MDGA2: variants seen among roughly 807,000 people sequenced by gnomAD.
The protein encoded by MDGA2 is MAM domain-containing glycosylphosphatidylinositol anchor protein 2.
Under a neutral mutation model 117.8 loss-of-function variants are expected in MDGA2, and 40 were observed. That is an observed-to-expected ratio of 0.34 (90% confidence interval 0.26 to 0.44). The LOEUF (loss-of-function observed/expected upper bound fraction) is 0.44. Among genes scored for constraint, MDGA2 ranks in the 20% least tolerant of loss-of-function variants. The pLI, the probability that MDGA2 is intolerant of heterozygous loss-of-function variation, is 1.00. For missense variants in MDGA2, 1,123 were observed against 1,250.6 expected (o/e 0.90, Z 1.54); for synonymous variants, 452 against 439.0 (o/e 1.03, Z -0.37).
intron 1 of MDGA2, among the ~76,000 whole-genome samples, chr14:47,329,616 T>C (rs961601483): frequency 1.3e-5 from 2 of 152,074 alleles, no homozygotes; most frequent in Non-Finnish European, 2.9e-5. Context: ...ATTCTTTTTT[T>C]CTTTATCTTC....
At chr14:47,542,832 C>A (rs1895379921) in intron 1 of MDGA2, among the ~76,000 whole-genome samples, 1 of 152,112 alleles carries the variant, frequency 6.6e-6, no homozygotes. Context: ...GCAATAATTG[C>A]TTCTTATATT....
intron 8 of MDGA2, among the ~76,000 whole-genome samples, chr14:46,995,551 A>G (rs1488332313): frequency 6.6e-6 from 1 of 152,058 alleles, no homozygotes; most frequent in Non-Finnish European, 1.5e-5. Flanking sequence ...TTTCATAACC[A>G]TTGCTTTTTT....
chr14:46,984,344 G>A (rs1886789965), intron 8 of MDGA2, among the ~76,000 whole-genome samples: 1 of 151,856 alleles, frequency 6.6e-6, no homozygotes, highest in African/African-American at 2.4e-5. Flanking sequence ...TTACTTGTGT[G>A]TGGGCAGAAA....
intron 3 of MDGA2, among the ~76,000 whole-genome samples, chr14:47,214,830 T>C (rs1886025717): frequency 6.6e-6 from 1 of 152,108 alleles, no homozygotes; most frequent in South Asian, 2.1e-4. Flanking sequence ...TTCACTATTA[T>C]AAAAGCTCTC....
At chr14:46,871,660 G>A (rs1196173360) in intron 14 of MDGA2, 1 of 155,576 alleles carries the variant, frequency 6.4e-6, no homozygotes, top group East Asian at 1.9e-4. Flanking sequence ...TCTGGTTGAA[G>A]ATACTATGTA....
At chr14:47,202,369 T>C (rs1885539238) in intron 3 of MDGA2, among the ~76,000 whole-genome samples, 1 of 152,226 alleles carries the variant, frequency 6.6e-6, no homozygotes, top group Non-Finnish European at 1.5e-5. Flanking sequence ...GATTAACTCA[T>C]TAACACATTT....
intron 2 of MDGA2, among the ~76,000 whole-genome samples, chr14:47,267,279 G>GA (rs36118626): frequency 5.3e-5 from 8 of 151,122 alleles, no homozygotes; most frequent in Non-Finnish European, 3.0e-5. Flanking sequence ...TATTCTAAGT[G>GA]AAAAAAAACA....
chr14:47,076,591 ACC>A, intron 6 of MDGA2, among the ~76,000 whole-genome samples: 1 of 144,804 alleles, frequency 6.9e-6, no homozygotes. Context: ...TGTGTGTATT[ACC>A]CAACCAATAA....
chr14:47,187,646 T>C (rs1308968625), intron 3 of MDGA2, among the ~76,000 whole-genome samples: 1 of 152,172 alleles, frequency 6.6e-6, no homozygotes, highest in African/African-American at 2.4e-5. Flanking sequence ...ATGTTGATTG[T>C]TTCCTCTTTA....
intron 3 of MDGA2, among the ~76,000 whole-genome samples, chr14:47,185,326 G>T (rs914517063): frequency 6.6e-6 from 1 of 151,396 alleles, no homozygotes; most frequent in Admixed American, 6.6e-5. Flanking sequence ...ATGCCAGGTG[G>T]TGTTCTTTAA....
At chr14:47,168,170 C>T (rs1003156641) in intron 3 of MDGA2, among the ~76,000 whole-genome samples, 2 of 150,858 alleles carry the variant, frequency 1.3e-5, no homozygotes, top group African/African-American at 4.9e-5. Flanking sequence ...TTTGCTTTTC[C>T]TCTTATGGAG....
At chr14:47,674,436 G>C (rs1030838493) in intron 1 of MDGA2, 81 bp downstream of exon 1, 631 of 1,252,980 alleles carry the variant, frequency 5.0e-4, no homozygotes, top group Admixed American at 1.3e-3. Flanking sequence ...GCCCCGGAAC[G>C]GCGCGAGTCG....
At chr14:47,040,100 T>G (rs2138672010) in intron 7 of MDGA2, among the ~76,000 whole-genome samples, 1 of 152,290 alleles carries the variant, frequency 6.6e-6, no homozygotes, top group Admixed American at 6.6e-5. Flanking sequence ...GGGTAGGCTA[T>G]ACATGCTCTG....
chr14:47,399,032 T>C (rs1335840086), intron 1 of MDGA2, among the ~76,000 whole-genome samples: 1 of 152,180 alleles, frequency 6.6e-6, no homozygotes, highest in Non-Finnish European at 1.5e-5. Context: ...TTAGGTTCTA[T>C]TTGTATTCAT....
chr14:47,102,366 AACACACACACAC>A (rs3039394), intron 5 of MDGA2, among the ~76,000 whole-genome samples: 9 of 148,384 alleles, frequency 6.1e-5, no homozygotes, highest in East Asian at 2.0e-4. Context: ...AGGAAGGAGA[AACACACACACAC>A]ACACACACAC....
intron 1 of MDGA2, among the ~76,000 whole-genome samples, chr14:47,408,487 A>G (rs1892306729): frequency 6.6e-6 from 1 of 152,244 alleles, no homozygotes; most frequent in Non-Finnish European, 1.5e-5. Flanking sequence ...CCTAAGAAAG[A>G]TTTAATGAGC....
chr14:46,970,750 T>A (rs945870072), intron 8 of MDGA2, among the ~76,000 whole-genome samples: 2 of 152,034 alleles, frequency 1.3e-5, no homozygotes, highest in Non-Finnish European at 2.9e-5. Context: ...CAGAATGAAC[T>A]GACAACCTGC....
chr14:47,042,326 TTTGTG>T (rs1349467463), intron 7 of MDGA2, among the ~76,000 whole-genome samples: 1 of 131,650 alleles, frequency 7.6e-6, no homozygotes, highest in African/African-American at 2.7e-5. Context: ...TTTTTTTTTT[TTTGTG>T]TGTGTGTGTG....
chr14:46,892,838 A>T (rs1036800919), intron 10 of MDGA2, among the ~76,000 whole-genome samples: 3 of 151,806 alleles, frequency 2.0e-5, no homozygotes, highest in African/African-American at 7.3e-5. Context: ...TGACTATTAT[A>T]AAAAAAAGAT....
Sources: gnomAD v4.1 joint callset for allele counts (sites outside exome capture counted in the v4.1 genomes callset) on GRCh38, gnomAD v4.1.1 for gene constraint, MANE v1.5 for transcripts, NCBI Gene and HGNC (gene_info 2026-07-23, HGNC 2026-07-21) for gene names.